CREB3L1: variants seen among roughly 807,000 people sequenced by gnomAD.
CREB3L1 encodes cyclic AMP-responsive element-binding protein 3-like protein 1.
Under a neutral mutation model 54.5 loss-of-function variants are expected in CREB3L1, and 33 were observed. The ratio of observed to expected loss-of-function variants is 0.61; its 90% confidence interval spans 0.46 to 0.81. The LOEUF (loss-of-function observed/expected upper bound fraction) is 0.81, where lower values mean the gene tolerates loss of function less well. Among genes scored for constraint, CREB3L1 ranks in the 30% least tolerant of loss-of-function variants. The pLI is 0.00. For missense variants in CREB3L1, 656 were observed against 673.3 expected (o/e 0.97, Z 0.29); for synonymous variants, 284 against 286.4 (o/e 0.99, Z 0.08).
intron 3 of CREB3L1, among the ~76,000 whole-genome samples, 157 bp downstream of exon 3, chr11:46,308,157 C>T (rs1382267441): frequency 6.6e-6 from 1 of 152,038 alleles, no homozygotes; most frequent in Non-Finnish European, 1.5e-5. Flanking sequence ...CCCAGGCCTC[C>T]GCCTACCCCC....
In CREB3L1 at chr11:46,311,190, G is replaced by A. The variant is rs2136354346; in HGVS notation, c.753+1G>A. ...CTCCCCACTCCTCACTGCCCCTCAC[G>A]TAAGGAGCTGGGGGTGGGCTGATCC... On this transcript the variant is annotated splice_donor_variant, in intron 5 of 11. Coordinates refer to ENST00000621158, the MANE Select transcript of CREB3L1 (RefSeq NM_052854.4). LOFTEE classifies it high-confidence loss of function. 3.2e-6 allele frequency: 5 copies of A among 1,573,712 alleles called. No individual in the cohort carries two copies. The highest frequency in any genetic ancestry group is 4.3e-6 in the Non-Finnish European group (5 of 1,164,680).
chr11:46,282,191 A>C (rs1162079799), intron 1 of CREB3L1, among the ~76,000 whole-genome samples: 1 of 152,180 alleles, frequency 6.6e-6, no homozygotes, highest in Non-Finnish European at 1.5e-5. Context: ...ACCAGACCCC[A>C]CATTCTTAGA....
chr11:46,309,942 G>A (rs1939458912), intron 3 of CREB3L1, 47 bp from the exon 4 acceptor site: 6 of 1,485,932 alleles, frequency 4.0e-6, no homozygotes, highest in African/African-American at 2.8e-5. Flanking sequence ...GCATGGTGGG[G>A]ACAGACCCAG....
chr11:46,300,733 C>T (rs1004111218), intron 2 of CREB3L1, among the ~76,000 whole-genome samples: 1 of 149,962 alleles, frequency 6.7e-6, no homozygotes, highest in Non-Finnish European at 1.5e-5. Context: ...GGGCCGGGCG[C>T]GGTGGCTCAC....
intron 8 of CREB3L1, chr11:46,316,074 C>T (rs1190244788): frequency 4.0e-6 from 2 of 497,438 alleles, no homozygotes; most frequent in Non-Finnish European, 7.1e-6. Context: ...GCCTGAGCTT[C>T]CACAAGGTGA....
At chr11:46,320,119 G>A (rs1049390214) in intron 10 of CREB3L1, 145 bp from the exon 11 acceptor site, 2 of 899,360 alleles carry the variant, frequency 2.2e-6, no homozygotes, top group East Asian at 2.7e-5. Context: ...AGCAAAGTGT[G>A]TGGCTTACCT....
intron 3 of CREB3L1, among the ~76,000 whole-genome samples, chr11:46,309,159 A>G (rs1939447817): frequency 6.6e-6 from 1 of 152,114 alleles, no homozygotes; most frequent in Non-Finnish European, 1.5e-5. Flanking sequence ...CTGAGCTGGG[A>G]TGTAGACCAA....
At chr11:46,320,572 C>T (rs1178250959) in intron 11 of CREB3L1, 44 bp downstream of exon 11, 2 of 1,551,820 alleles carry the variant, frequency 1.3e-6, no homozygotes, top group Non-Finnish European at 1.7e-6. Context: ...TCAGGCTCCA[C>T]CTGCCTCCTG....
chr11:46,310,922 C>T (rs1442712477), intron 4 of CREB3L1, 110 bp from the exon 5 acceptor site: 12 of 1,429,148 alleles, frequency 8.4e-6, no homozygotes, highest in Admixed American at 2.7e-5. Flanking sequence ...CCTGGCAGTC[C>T]GTGTCCCACA....
intron 4 of CREB3L1, among the ~76,000 whole-genome samples, chr11:46,310,718 C>T (rs1256514829): frequency 2.6e-5 from 4 of 152,074 alleles, no homozygotes; most frequent in African/African-American, 9.7e-5. Flanking sequence ...AGGCCCTGAA[C>T]CCTGTGAAGT....
At chr11:46,311,840 T>A (rs779670546) in intron 5 of CREB3L1, among the ~76,000 whole-genome samples, 1 of 152,168 alleles carries the variant, frequency 6.6e-6, no homozygotes, top group Non-Finnish European at 1.5e-5. Flanking sequence ...AACAGGAGAC[T>A]ATTGCAGAGC....
At chr11:46,281,895 T>C (rs1393384970) in intron 1 of CREB3L1, among the ~76,000 whole-genome samples, 2 of 152,142 alleles carry the variant, frequency 1.3e-5, no homozygotes, top group Non-Finnish European at 2.9e-5. Flanking sequence ...GAGTGCAATC[T>C]GCTAGAAAAG....
intron 1 of CREB3L1, among the ~76,000 whole-genome samples, chr11:46,283,343 TG>T (rs1163812511): frequency 6.6e-6 from 1 of 152,214 alleles, no homozygotes; most frequent in Non-Finnish European, 1.5e-5. Context: ...GACACCTTAC[TG>T]CACAAAGCAG....
Position 46,321,353 on chromosome 11 carries a change from C to G in CREB3L1, c.*607C>G, listed in dbSNP as rs1469544823. ...GGGCCTTTTTAATTGCCAAACTGCT[C>G]TCTTCATCAGCTCAGCACATGCTTT... On this transcript the variant is annotated 3_prime_UTR_variant, in exon 12 of 12. Coordinates refer to ENST00000621158, the MANE Select transcript of CREB3L1 (RefSeq NM_052854.4). 7 of 223,706 alleles carry G rather than the reference C, an allele frequency of 3.1e-5. No individual in the cohort carries two copies. The highest frequency in any genetic ancestry group is 1.0e-4 in the Admixed American group (2 of 19,250). 13.9% of individuals were successfully genotyped at this position (223,706 alleles called of 1,614,324 possible).
intron 8 of CREB3L1, among the ~76,000 whole-genome samples, chr11:46,314,389 ATTT>A (rs1939535284): frequency 1.3e-5 from 2 of 151,954 alleles, no homozygotes; most frequent in South Asian, 4.2e-4. Context: ...CATTATTTTT[ATTT>A]ATTTATTTTC....
chr11:46,302,576 A>G (rs1349907644), intron 2 of CREB3L1, among the ~76,000 whole-genome samples: 2 of 152,238 alleles, frequency 1.3e-5, no homozygotes, highest in African/African-American at 4.8e-5. Context: ...AAACATTTCT[A>G]TAGTACTCTC....
chr11:46,293,806 T>TGA (rs1329491254), intron 1 of CREB3L1, among the ~76,000 whole-genome samples: 1 of 152,228 alleles, frequency 6.6e-6, no homozygotes, highest in Non-Finnish European at 1.5e-5. Context: ...GGTGTGTGTG[T>TGA]GACAGCGAGT....
Position 46,293,524 on chromosome 11 carries a change from A to C in CREB3L1, c.103-6411A>C, listed in dbSNP as rs370097971. Among the ~76,000 whole-genome samples the C allele has an allele frequency of 7.2e-5, 11 of 152,294 alleles. 1 individual carries two copies. Among genetic ancestry groups the C allele is most frequent in the Admixed American group, 5.2e-4 (8 of 15,292 alleles). Reference sequence around the variant, plus strand: ...AGGGCTAGGGGGCTGCAGAGAATACACACCCTCCCCAGGACTCTGCTCTGC... The same window carrying C: ...AGGGCTAGGGGGCTGCAGAGAATACCCACCCTCCCCAGGACTCTGCTCTGC... On this transcript the variant is annotated intron_variant, in intron 1 of 11. Coordinates refer to ENST00000621158, the MANE Select transcript of CREB3L1 (RefSeq NM_052854.4).
At position 46,312,492 on chromosome 11, in the gene CREB3L1, G is replaced by C; in HGVS notation, c.903+18G>C. 6.2e-7 allele frequency: 1 copy of C among 1,611,912 alleles called. No individual in the cohort carries two copies. Reference sequence around the variant, plus strand: ...AGAACAAGGTAAAGCCTGCCACCCTGGGGCTTCAGAGGGCTTCCTTGGTGG... The same window carrying C: ...AGAACAAGGTAAAGCCTGCCACCCTCGGGCTTCAGAGGGCTTCCTTGGTGG... On this transcript the variant is annotated intron_variant, in intron 6 of 11. Coordinates refer to ENST00000621158, the MANE Select transcript of CREB3L1 (RefSeq NM_052854.4).
Sources: allele counts gnomAD v4.1 joint callset (sites outside exome capture counted in the v4.1 genomes callset), GRCh38; gene constraint gnomAD v4.1.1; transcripts MANE v1.5; gene names NCBI Gene and HGNC (gene_info 2026-07-23, HGNC 2026-07-21).